The following CLASP2 variants were observed in gnomAD, a reference collection of about 807,000 sequenced individuals.
The protein encoded by CLASP2 is CLIP-associating protein 2.
A neutral mutation model predicts 194.4 loss-of-function variants in CLASP2; 47 were observed. The ratio of observed to expected loss-of-function variants is 0.24; its 90% CI spans 0.19 to 0.31. The LOEUF (loss-of-function observed/expected upper bound fraction) is 0.31, where lower values mean the gene tolerates loss of function less well. Among genes scored for constraint, CLASP2 ranks in the 10% least tolerant of loss-of-function variants. The pLI, the probability that CLASP2 is intolerant of heterozygous loss-of-function variation, is 1.00. For missense variants in CLASP2, 1,445 were observed against 1,823.6 expected (o/e 0.79, Z 3.78); for synonymous variants, 619 against 633.5 (o/e 0.98, Z 0.34).
At chr3:33,518,800 C>T (rs753188844) in intron 34 of CLASP2, among the ~76,000 whole-genome samples, 3 of 152,150 alleles carry the variant, frequency 2.0e-5, no homozygotes, top group Non-Finnish European at 2.9e-5. Flanking sequence ...ATGATCTGGA[C>T]AGATGACTGG....
intron 1 of CLASP2, among the ~76,000 whole-genome samples, chr3:33,700,413 A>G (rs1467120050): frequency 6.6e-6 from 1 of 151,958 alleles, no homozygotes; most frequent in East Asian, 1.9e-4. Flanking sequence ...CAACAAAGCA[A>G]GACACTGTCT....
intron 37 of CLASP2, chr3:33,503,381 T>C (rs535796891): frequency 2.6e-5 from 4 of 152,052 alleles, no homozygotes; most frequent in Non-Finnish European, 5.9e-5. Flanking sequence ...TACCTGGGAA[T>C]AGAATAGGTG....
At chr3:33,661,505 T>C (rs1444604705) in intron 7 of CLASP2, among the ~76,000 whole-genome samples, 2 of 152,174 alleles carry the variant, frequency 1.3e-5, no homozygotes, top group African/African-American at 4.8e-5. Context: ...ATTTCAGAAG[T>C]AGAAATGTTT....
intron 26 of CLASP2, among the ~76,000 whole-genome samples, chr3:33,567,783 C>A (rs1392729069): frequency 6.6e-6 from 1 of 152,080 alleles, no homozygotes; most frequent in Non-Finnish European, 1.5e-5. Flanking sequence ...ACTATCCATA[C>A]CTGTTATTTT....
intron 29 of CLASP2, chr3:33,558,401 CGCT>C (rs972447437): frequency 3.9e-5 from 6 of 152,068 alleles, no homozygotes; most frequent in African/African-American, 1.4e-4. Flanking sequence ...TGGGCAGTAA[CGCT>C]TGTAGAAATA....
At chr3:33,680,686 C>T (rs949427159) in intron 6 of CLASP2, among the ~76,000 whole-genome samples, 3 of 152,100 alleles carry the variant, frequency 2.0e-5, no homozygotes, top group African/African-American at 7.2e-5. Flanking sequence ...TGGTGTGCAT[C>T]TGTAGTCCCA....
chr3:33,687,149 G>A lies in CLASP2; in HGVS notation c.471-14C>T. 6.5e-7 allele frequency: 1 copy of A among 1,527,456 alleles called. No individual in the cohort carries two copies. The allele number at this position is 1,527,456 out of a possible 1,614,324, so 94.6% of individuals were successfully genotyped here. ...TGAGCCCCAAAACTAAATATAATTT[G>A]AGAAAAAAATAAAGAAAATTTGTTT... On this transcript the variant is annotated splice_polypyrimidine_tract_variant and intron_variant, in intron 4 of 38. Transcript: ENST00000682230.
intron 10 of CLASP2, among the ~76,000 whole-genome samples, chr3:33,626,567 G>A (rs1287997316): frequency 5.9e-5 from 9 of 152,050 alleles, no homozygotes; most frequent in Admixed American, 6.6e-5. Context: ...CCAGATAAAT[G>A]CATATCCTGT....
intron 6 of CLASP2, among the ~76,000 whole-genome samples, chr3:33,672,776 C>T (rs933481872): frequency 3.9e-5 from 6 of 151,990 alleles, no homozygotes; most frequent in African/African-American, 9.7e-5. Flanking sequence ...AGCCCAGGCT[C>T]GAGAACTACA....
At chr3:33,707,590 GACC>G (rs2092750790) in intron 1 of CLASP2, among the ~76,000 whole-genome samples, 1 of 152,114 alleles carries the variant, frequency 6.6e-6, no homozygotes, top group Non-Finnish European at 1.5e-5. Context: ...ACAAAAAAGA[GACC>G]TAGAGCTTGT....
intron 7 of CLASP2, chr3:33,659,027 A>G (rs941960024): frequency 1.3e-6 from 2 of 1,535,782 alleles, no homozygotes; most frequent in East Asian, 2.4e-5. Flanking sequence ...CAAGAGGTCA[A>G]ATAGCACAGC....
chr3:33,640,332 T>C (rs2081046072), intron 8 of CLASP2, among the ~76,000 whole-genome samples: 1 of 152,208 alleles, frequency 6.6e-6, no homozygotes, highest in South Asian at 2.1e-4. Context: ...AGAAAATAGA[T>C]ATTTGGACAT....
At chr3:33,575,957 T>C (rs910809391) in intron 24 of CLASP2, among the ~76,000 whole-genome samples, 1 of 152,222 alleles carries the variant, frequency 6.6e-6, no homozygotes, top group African/African-American at 2.4e-5. Context: ...ATATTTCTGA[T>C]AGGCCATCAG....
intron 1 of CLASP2, among the ~76,000 whole-genome samples, chr3:33,702,425 G>A (rs77143443): frequency 0.063 from 9,579 of 152,052 alleles, 393 homozygotes; most frequent in Admixed American, 0.097. Flanking sequence ...GGATGAATGC[G>A]GACCACTACC....
intron 31 of CLASP2, among the ~76,000 whole-genome samples, chr3:33,543,750 C>T (rs1013750432): frequency 5.3e-5 from 8 of 152,134 alleles, no homozygotes; most frequent in Non-Finnish European, 1.0e-4. Context: ...TTTCTGTTCT[C>T]ACCTGCTTCC....
At chr3:33,563,598 T>A (rs1390068444) in intron 27 of CLASP2, among the ~76,000 whole-genome samples, 1 of 152,184 alleles carries the variant, frequency 6.6e-6, no homozygotes, top group African/African-American at 2.4e-5. Flanking sequence ...CTATCACAAC[T>A]ACTCAACTTT....
chr3:33,666,042 A>T (rs1040989286), intron 6 of CLASP2, among the ~76,000 whole-genome samples: 2 of 152,190 alleles, frequency 1.3e-5, no homozygotes, highest in Non-Finnish European at 2.9e-5. Context: ...AAGTATTAGG[A>T]AGGTTCTAAC....
At chr3:33,503,481 T>G (rs1269275295) in intron 37 of CLASP2, 3 of 151,850 alleles carry the variant, frequency 2.0e-5, no homozygotes, top group Non-Finnish European at 4.4e-5. Flanking sequence ...TAGGCTGGAC[T>G]GCAGTATGTG....
chr3:33,533,204 T>C (rs1284440388), intron 34 of CLASP2, among the ~76,000 whole-genome samples: 1 of 152,208 alleles, frequency 6.6e-6, no homozygotes, highest in Non-Finnish European at 1.5e-5. Context: ...GATACTTTCA[T>C]GCTATGTCCA....
Sources: gnomAD v4.1 joint callset for allele counts (sites outside exome capture counted in the v4.1 genomes callset) on GRCh38, gnomAD v4.1.1 for gene constraint, MANE v1.5 for transcripts, NCBI Gene and HGNC (gene_info 2026-07-23, HGNC 2026-07-21) for gene names.